FBXL20: variants seen among roughly 807,000 people sequenced by gnomAD.
The protein encoded by FBXL20 is F-box and leucine rich repeat protein 20.
Under a neutral mutation model 64.0 loss-of-function variants are expected in FBXL20, and 11 were observed. The ratio of observed to expected loss-of-function variants is 0.17; its 90% CI spans 0.11 to 0.28. The LOEUF (loss-of-function observed/expected upper bound fraction) is 0.28, where lower values mean the gene tolerates loss of function less well. FBXL20 is among the 10% of genes least tolerant of loss of function. The pLI is 1.00. For synonymous variants in FBXL20, 184 were observed against 189.0 expected (o/e 0.97, Z 0.22); for missense variants, 303 against 526.2 (o/e 0.58, Z 4.15).
At chr17:39,370,726 C>T (rs1355120947) in intron 1 of FBXL20, among the ~76,000 whole-genome samples, 1 of 147,642 alleles carries the variant, frequency 6.8e-6, no homozygotes, top group Non-Finnish European at 1.5e-5. Flanking sequence ...ACCTGGGAGG[C>T]GGAGCTTGCA....
At chr17:39,388,629 G>C (rs1017321868) in intron 1 of FBXL20, among the ~76,000 whole-genome samples, 1 of 150,816 alleles carries the variant, frequency 6.6e-6, no homozygotes, top group Admixed American at 6.6e-5. Flanking sequence ...GACAACAGGC[G>C]CCCGCCACCA....
intron 1 of FBXL20, among the ~76,000 whole-genome samples, chr17:39,359,072 G>A (rs558651585): frequency 1.3e-5 from 2 of 152,296 alleles, no homozygotes; most frequent in African/African-American, 4.8e-5. Flanking sequence ...AGTGGCTCAC[G>A]CCTATAATCC....
intron 1 of FBXL20, among the ~76,000 whole-genome samples, chr17:39,380,995 A>C (rs1384204371): frequency 2.0e-5 from 3 of 152,062 alleles, no homozygotes; most frequent in Non-Finnish European, 2.9e-5. Context: ...CCCCGTCTCT[A>C]CTAAAAATAC....
rs146540020 is a variant in FBXL20, at chr17:39,296,431, G to A, written c.398+696C>T. Among the ~76,000 whole-genome samples the A allele has an allele frequency of 9.1e-3, 1,384 of 151,836 alleles. 23 individuals carry two copies. The highest frequency in any genetic ancestry group is 0.032 in the African/African-American group (1,308 of 41,428). On this transcript the variant is annotated intron_variant, in intron 6 of 14. Coordinates refer to ENST00000264658, the MANE Select transcript of FBXL20 (RefSeq NM_032875.3). ...AAAAATAAGCCGGGCGTGGTGGCAC[G>A]TGCCTGTAGTCCCAGCTACTCGGGA...
At chr17:39,390,131 T>C (rs868213431) in intron 1 of FBXL20, among the ~76,000 whole-genome samples, 5 of 152,090 alleles carry the variant, frequency 3.3e-5, no homozygotes, top group South Asian at 2.1e-4. Context: ...TCCTGTTTAA[T>C]AAACCCAATA....
At chr17:39,326,202 CA>C (rs1332709446) in intron 2 of FBXL20, among the ~76,000 whole-genome samples, 51 of 140,744 alleles carry the variant, frequency 3.6e-4, no homozygotes, top group Non-Finnish European at 4.2e-4. Context: ...AATCATACGC[CA>C]AAAAAAAAAA....
intron 2 of FBXL20, among the ~76,000 whole-genome samples, chr17:39,335,582 C>CAAAAA (rs36023380): frequency 4.0e-4 from 31 of 77,280 alleles, no homozygotes; most frequent in African/African-American, 7.7e-4. Context: ...GACTCCGTCT[C>CAAAAA]AAAAAAAAAA....
chr17:39,341,489 T>TAACTCTACA (rs1214424740), intron 2 of FBXL20, among the ~76,000 whole-genome samples: 1 of 152,192 alleles, frequency 6.6e-6, no homozygotes, highest in Non-Finnish European at 1.5e-5. Flanking sequence ...AATCATTACA[T>TAACTCTACA]AACTCTACAC....
chr17:39,299,451 C>T (rs956415885), intron 4 of FBXL20, among the ~76,000 whole-genome samples: 7 of 152,110 alleles, frequency 4.6e-5, no homozygotes, highest in Non-Finnish European at 8.8e-5. Context: ...TATTATAGTA[C>T]TCTGCTTATA....
intron 1 of FBXL20, among the ~76,000 whole-genome samples, chr17:39,371,336 G>C (rs1418481649): frequency 6.6e-6 from 1 of 152,112 alleles, no homozygotes; most frequent in Non-Finnish European, 1.5e-5. Flanking sequence ...GCCTGTTAAT[G>C]CATAAATATA....
chr17:39,395,519 C>T (rs1274961713), intron 1 of FBXL20, among the ~76,000 whole-genome samples: 1 of 152,144 alleles, frequency 6.6e-6, no homozygotes, highest in Non-Finnish European at 1.5e-5. Flanking sequence ...TGAATGGGTC[C>T]AAAAAGCCCA....
At chr17:39,276,171 CAGG>C in intron 9 of FBXL20, among the ~76,000 whole-genome samples, 1 of 135,022 alleles carries the variant, frequency 7.4e-6, no homozygotes, top group Non-Finnish European at 1.5e-5. Context: ...CGCTTAACCC[CAGG>C]AGGAGATTTG....
Position 39,253,815 on chromosome 17 carries a change from A to G in FBXL20, c.*7645T>C, listed in dbSNP as rs752521058. On this transcript the variant is annotated 3_prime_UTR_variant, in exon 15 of 15. Transcript: ENST00000264658. The stretch of plus-strand genomic sequence containing the variant: ...TTACTAAAAATCTATTATATAGGAA[A>G]GAAAATTATTTGTCCACAGGGGAAA... 1.1e-4 allele frequency: 16 copies of G among 152,276 alleles called. No homozygotes were observed. Among genetic ancestry groups the G allele is most frequent in the Non-Finnish European group, 2.1e-4 (14 of 68,038 alleles). 9.4% of individuals were successfully genotyped at this position (152,276 alleles called of 1,614,324 possible). A position where few individuals can be genotyped will look rare whatever the true frequency, so the allele number is the denominator to read the frequency against.
At chr17:39,394,984 C>T (rs927472181) in intron 1 of FBXL20, among the ~76,000 whole-genome samples, 1 of 151,992 alleles carries the variant, frequency 6.6e-6, no homozygotes, top group Non-Finnish European at 1.5e-5. Context: ...TATAAATTTG[C>T]AAGAAAAGTG....
intron 2 of FBXL20, among the ~76,000 whole-genome samples, chr17:39,322,897 C>CG (rs1318531475): frequency 6.8e-6 from 1 of 147,638 alleles, no homozygotes; most frequent in Non-Finnish European, 1.5e-5. Flanking sequence ...CTCCGCCTCC[C>CG]GGGTTCACAC....
rs537057294 is a variant in FBXL20, at chr17:39,392,662, C to T, written c.42+8699G>A. 9.4e-4 allele frequency among the ~76,000 whole-genome samples: 143 copies of T among 152,100 alleles called. 1 individual carries two copies. The highest frequency in any genetic ancestry group is 3.4e-3 in the African/African-American group (140 of 41,486). On this transcript the variant is annotated intron_variant, in intron 1 of 14. Transcript: ENST00000264658. Reference sequence around the variant, plus strand: ...AATTCCTCACTCTGCAGATAGTAAGCCAAACATGAAGTGCCCAGAATAGCT... The same window carrying T: ...AATTCCTCACTCTGCAGATAGTAAGTCAAACATGAAGTGCCCAGAATAGCT...
chr17:39,348,736 G>C (rs1222261054), intron 1 of FBXL20, among the ~76,000 whole-genome samples: 1 of 152,154 alleles, frequency 6.6e-6, no homozygotes, highest in Non-Finnish European at 1.5e-5. Context: ...GTCTCACTCT[G>C]TTGCCCAGGT....
At chr17:39,266,960 A>G (rs1252334818) in intron 12 of FBXL20, among the ~76,000 whole-genome samples, 1 of 151,608 alleles carries the variant, frequency 6.6e-6, no homozygotes, top group African/African-American at 2.4e-5. Context: ...ATTCAAGACC[A>G]GTCTGAGCAG....
chr17:39,272,635 G>T (rs1450376385), intron 10 of FBXL20, among the ~76,000 whole-genome samples: 1 of 148,360 alleles, frequency 6.7e-6, no homozygotes, highest in African/African-American at 2.5e-5. Context: ...CTGGGAGGAG[G>T]AGGTTACAGT....
Sources: allele counts gnomAD v4.1 joint callset (sites outside exome capture counted in the v4.1 genomes callset), GRCh38; gene constraint gnomAD v4.1.1; transcripts MANE v1.5; gene names NCBI Gene and HGNC (gene_info 2026-07-23, HGNC 2026-07-21).